ARHGEF18: variants seen among roughly 807,000 people sequenced by gnomAD.
ARHGEF18 encodes the protein rho guanine nucleotide exchange factor 18.
In ARHGEF18, 93 loss-of-function variants were observed where a neutral mutation model predicts 155.7. The observed-to-expected ratio is 0.60, with a 90% CI of 0.50 to 0.71. ARHGEF18 has a LOEUF of 0.71. Among genes scored for constraint, ARHGEF18 ranks in the 30% least tolerant of loss-of-function variants. The pLI, the probability that ARHGEF18 is intolerant of heterozygous loss-of-function variation, is 0.00. For missense variants in ARHGEF18, 1,593 were observed against 1,816.1 expected (o/e 0.88, Z 2.23); for synonymous variants, 742 against 753.1 (o/e 0.99, Z 0.24).
At chr19:7,433,204 C>T (rs1392467467) in intron 10 of ARHGEF18, among the ~76,000 whole-genome samples, 3 of 151,236 alleles carry the variant, frequency 2.0e-5, no homozygotes, top group African/African-American at 4.9e-5. Context: ...CGGTGGCTCA[C>T]ACCTGTAATC....
chr19:7,385,178 A>G (rs576749725), intron 10 of ARHGEF18, among the ~76,000 whole-genome samples: 4 of 152,318 alleles, frequency 2.6e-5, no homozygotes, highest in Non-Finnish European at 4.4e-5. Flanking sequence ...GAGTAAAGCC[A>G]GAGGTCTAGA....
Position 7,467,430 on chromosome 19 carries a change from T to C in ARHGEF18, c.3226T>C (p.Trp1076Arg), listed in dbSNP as rs1289610618. ...GCAGCGCTGGGAGCGCGAGCGCCAG[T>C]GGCAGCACCAGGAGCTGGAGCGTGC... ...EQQRWERERQ[W>R]QHQELERAGA... Residue 1076 changes from tryptophan (W) to arginine (R), a missense_variant, in exon 26 of 29, where the codon TGG becomes CGG. Trp to Arg is a moderately radical substitution (Grantham distance 101). Coordinates refer to ENST00000668164, the MANE Select transcript of ARHGEF18 (RefSeq NM_001367823.1). The C allele has an allele frequency of 3.9e-6, 6 of 1,531,228 alleles. No homozygotes were observed. Among genetic ancestry groups the C allele is most frequent in the Non-Finnish European group, 5.2e-6 (6 of 1,145,052 alleles). 94.9% of individuals were successfully genotyped at this position (1,531,228 alleles called of 1,614,324 possible).
chr19:7,432,349 G>T (rs79608435), intron 10 of ARHGEF18, among the ~76,000 whole-genome samples: 5,690 of 152,238 alleles, frequency 0.037, 325 homozygotes, highest in East Asian at 0.21. Context: ...AAAAGTCTTG[G>T]CTGAAACAAA....
chr19:7,451,384 C>T, intron 16 of ARHGEF18, 118 bp downstream of exon 16: 2 of 698,432 alleles, frequency 2.9e-6, no homozygotes, highest in Non-Finnish European at 4.6e-6. Context: ...ATCCAGTTTG[C>T]TGGGTGCTGG....
chr19:7,430,800 C>G (rs1205553087), intron 10 of ARHGEF18, among the ~76,000 whole-genome samples: 1 of 151,866 alleles, frequency 6.6e-6, no homozygotes, highest in Non-Finnish European at 1.5e-5. Flanking sequence ...GCGAGACCCT[C>G]TCTTCAAATA....
intron 10 of ARHGEF18, among the ~76,000 whole-genome samples, chr19:7,437,882 A>T (rs995919730): frequency 6.6e-5 from 10 of 151,942 alleles, no homozygotes; most frequent in Middle Eastern, 3.4e-3. Flanking sequence ...ACCTCAGGTG[A>T]TCCACCCGCG....
intron 7 of ARHGEF18, 144 bp from the exon 8 acceptor site, chr19:7,380,773 T>A: frequency 2.4e-6 from 1 of 419,852 alleles, no homozygotes. Context: ...CCTGTCATAA[T>A]GTCTCATATA....
intron 10 of ARHGEF18, among the ~76,000 whole-genome samples, chr19:7,414,430 A>G (rs1276945675): frequency 6.6e-6 from 1 of 151,782 alleles, no homozygotes; most frequent in Non-Finnish European, 1.5e-5. Flanking sequence ...TAATCCCAGC[A>G]CTTTGGGAGG....
At chr19:7,409,722 G>C (rs926599751) in intron 10 of ARHGEF18, among the ~76,000 whole-genome samples, 11 of 151,462 alleles carry the variant, frequency 7.3e-5, no homozygotes, top group African/African-American at 2.7e-4. Flanking sequence ...GATTACAGGC[G>C]TGAGCCATCG....
At chr19:7,406,795 C>CT (rs1173152333) in intron 10 of ARHGEF18, among the ~76,000 whole-genome samples, 2 of 151,956 alleles carry the variant, frequency 1.3e-5, no homozygotes, top group African/African-American at 4.8e-5. Context: ...TGGCTCACGC[C>CT]TGTAATCCCA....
chr19:7,435,626 A>G (rs1336409825), intron 10 of ARHGEF18, among the ~76,000 whole-genome samples: 2 of 152,092 alleles, frequency 1.3e-5, no homozygotes, highest in African/African-American at 4.8e-5. Flanking sequence ...CAGACCCTTT[A>G]CTGTCTCTAG....
chr19:7,477,196 G>A (rs1351591946), downstream of ARHGEF18: 6 of 1,471,048 alleles, frequency 4.1e-6, no homozygotes, highest in East Asian at 5.0e-5. Context: ...TGCTCTTCCG[G>A]CAGTGTCAGG....
downstream of ARHGEF18, chr19:7,472,562 G>T (rs1038523591): frequency 5.7e-6 from 1 of 174,164 alleles, no homozygotes; most frequent in African/African-American, 2.4e-5. Flanking sequence ...AGCAGGTTCT[G>T]TTGGGGGCTC....
chr19:7,356,295 G>A (rs1292731457), intron 1 of ARHGEF18, among the ~76,000 whole-genome samples: 3 of 134,674 alleles, frequency 2.2e-5, no homozygotes, highest in South Asian at 2.1e-4. Flanking sequence ...TTCTGAGACC[G>A]AGTCTCATTC....
intron 10 of ARHGEF18, among the ~76,000 whole-genome samples, chr19:7,385,441 T>C (rs1439083292): frequency 7.4e-6 from 1 of 135,054 alleles, no homozygotes; most frequent in Non-Finnish European, 1.6e-5. Flanking sequence ...ATCTGGGAAC[T>C]TCATTATTAT....
intron 10 of ARHGEF18, among the ~76,000 whole-genome samples, chr19:7,426,770 G>A (rs12459740): frequency 0.3 from 46,107 of 152,078 alleles, 7,468 homozygotes; most frequent in Middle Eastern, 0.54. Context: ...AGCAGCAAGT[G>A]TGTTTTGTAC....
At chr19:7,464,419 CAGCAGGCGT>C (rs1976486947) in intron 22 of ARHGEF18, 132 bp from the exon 23 acceptor site, 55 of 1,008,558 alleles carry the variant, frequency 5.5e-5, no homozygotes, top group Non-Finnish European at 7.5e-5. Context: ...TGCCCCTCTC[CAGCAGGCGT>C]CTGTGCTGCA....
At chr19:7,383,324 C>T (rs1259103508) in intron 10 of ARHGEF18, 121 bp downstream of exon 10, 1 of 1,127,332 alleles carries the variant, frequency 8.9e-7, no homozygotes, top group Non-Finnish European at 1.1e-6. Flanking sequence ...TTTGCCCTCT[C>T]CTCGGCGGCT....
chr19:7,380,433 C>T (rs1426637798), intron 7 of ARHGEF18, among the ~76,000 whole-genome samples: 4 of 150,114 alleles, frequency 2.7e-5, no homozygotes, highest in African/African-American at 4.9e-5. Context: ...GAGCCGAGAT[C>T]GCACCACCAC....
Sources: gnomAD v4.1 joint callset for allele counts (sites outside exome capture counted in the v4.1 genomes callset) on GRCh38, gnomAD v4.1.1 for gene constraint, MANE v1.5 for transcripts, NCBI Gene and HGNC (gene_info 2026-07-23, HGNC 2026-07-21) for gene names.